Variants in METTL9 observed in about 807,000 individuals in gnomAD.
METTL9 encodes protein-L-histidine N-pros-methyltransferase.
In METTL9, 10 loss-of-function variants were observed where a neutral mutation model predicts 36.0. That is an observed-to-expected ratio of 0.28 (90% CI 0.17 to 0.47). METTL9 has a LOEUF of 0.47. METTL9 is among the 20% of genes least tolerant of loss of function. The pLI, the probability that METTL9 is intolerant of heterozygous loss-of-function variation, is 0.99. For synonymous variants in METTL9, 175 were observed against 149.7 expected, an observed-to-expected ratio of 1.17 and a Z score of -1.23; for missense variants, 246 against 383.5, an observed-to-expected ratio of 0.64 and a Z score of 3.00.
chr16:21,615,375 T>C (rs1965528863), intron 2 of METTL9, among the ~76,000 whole-genome samples: 2 of 152,152 alleles, frequency 1.3e-5, no homozygotes, highest in South Asian at 2.1e-4. Flanking sequence ...GACTAGAGGC[T>C]CATGCCACCG....
intron 4 of METTL9, among the ~76,000 whole-genome samples, chr16:21,632,881 C>T (rs1965999008): frequency 6.6e-6 from 1 of 152,140 alleles, no homozygotes; most frequent in Non-Finnish European, 1.5e-5. Context: ...CAAGAGCTAT[C>T]CCTGCTCTCT....
At chr16:21,608,542 C>T (rs1345035207) in intron 1 of METTL9, among the ~76,000 whole-genome samples, 1 of 152,154 alleles carries the variant, frequency 6.6e-6, no homozygotes, top group Non-Finnish European at 1.5e-5. Context: ...ACTGGAGAGT[C>T]AGTACAGTGA....
At chr16:21,601,877 A>G (rs1965140423) in intron 1 of METTL9, among the ~76,000 whole-genome samples, 2 of 152,136 alleles carry the variant, frequency 1.3e-5, no homozygotes, top group Admixed American at 1.3e-4. Context: ...GAATCCAGAC[A>G]TTATTTTGAC....
At chr16:21,652,511 G>A in intron 4 of METTL9, 2 of 1,585,352 alleles carry the variant, frequency 1.3e-6, no homozygotes, top group South Asian at 1.1e-5. Context: ...AAATGAAGGA[G>A]GAGAAGAAAA....
Position 21,625,049 on chromosome 16 carries a change from T to C in METTL9, c.685T>C (p.Leu229=), listed in dbSNP as rs1347909558. ...TTTGTTAAAAGATATCAGAAGTGTCTTGGAGCCAACTAGAGGCAGGGTCAT... is the reference window on the plus strand; with the variant it reads ...TTTGTTAAAAGATATCAGAAGTGTCCTGGAGCCAACTAGAGGCAGGGTCAT... The part of the protein sequence containing the change: ...LTLLKDIRSV[L]EPTRGRVILA... Residue 229 remains leucine, a synonymous_variant, in exon 4 of 5, where the codon TTG becomes CTG. Transcript: ENST00000358154. 2 of 1,614,208 alleles carry C rather than the reference T, an allele frequency of 1.2e-6. No homozygotes were observed. The highest frequency in any genetic ancestry group is 2.2e-5 in the East Asian group (1 of 44,886).
intron 4 of METTL9, among the ~76,000 whole-genome samples, chr16:21,648,095 C>T (rs540329724): frequency 6.6e-6 from 1 of 152,274 alleles, no homozygotes; most frequent in African/African-American, 2.4e-5. Context: ...GGAAATGCAG[C>T]CCTGGCTTAG....
At chr16:21,629,059 C>T (rs1307600023) in intron 4 of METTL9, among the ~76,000 whole-genome samples, 1 of 151,740 alleles carries the variant, frequency 6.6e-6, no homozygotes, top group Non-Finnish European at 1.5e-5. Flanking sequence ...ACACCCGGCT[C>T]ATTTTTGTAT....
At chr16:21,642,887 AT>A (rs1024115372) in intron 4 of METTL9, among the ~76,000 whole-genome samples, 1 of 152,148 alleles carries the variant, frequency 6.6e-6, no homozygotes. Flanking sequence ...GCTATTTAAT[AT>A]TGTATCAGAT....
intron 1 of METTL9, among the ~76,000 whole-genome samples, chr16:21,608,391 T>C (rs774787899): frequency 3.9e-5 from 6 of 152,178 alleles, no homozygotes; most frequent in Non-Finnish European, 8.8e-5. Context: ...GCCAAGATCA[T>C]AGTCACATTA....
intron 3 of METTL9, among the ~76,000 whole-genome samples, chr16:21,620,760 C>G (rs2152895156): frequency 6.6e-6 from 1 of 152,178 alleles, no homozygotes. Context: ...AAAACATTTT[C>G]ACAAAAGTGG....
chr16:21,643,643 A>G (rs372921992), intron 4 of METTL9: 3 of 1,317,890 alleles, frequency 2.3e-6, no homozygotes, highest in Non-Finnish European at 3.2e-6. Context: ...TTATGTACTC[A>G]TAACAATGGT....
chr16:21,601,917 G>T (rs760261458), intron 1 of METTL9, among the ~76,000 whole-genome samples: 81 of 152,092 alleles, frequency 5.3e-4, no homozygotes, highest in South Asian at 2.3e-3. Flanking sequence ...GAAAATAATC[G>T]TGCATGAATA....
intron 2 of METTL9, among the ~76,000 whole-genome samples, chr16:21,616,625 CTAGGACCTTTAGAAATAA>C (rs1789906645): frequency 6.6e-6 from 1 of 152,120 alleles, no homozygotes; most frequent in African/African-American, 2.4e-5. Context: ...TGAGTGTTTT[CTAGGACCTTTAGAAATAA>C]TAGGACCCAG....
chr16:21,625,280 C>A, intron 4 of METTL9, 165 bp downstream of exon 4: 1 of 735,676 alleles, frequency 1.4e-6, no homozygotes, highest in South Asian at 1.7e-5. Flanking sequence ...TTAATGTTCA[C>A]CTTAAGGTGG....
intron 4 of METTL9, among the ~76,000 whole-genome samples, chr16:21,638,074 T>A (rs1966151251): frequency 6.6e-6 from 1 of 152,298 alleles, no homozygotes; most frequent in South Asian, 2.1e-4. Flanking sequence ...TCCTAGCATT[T>A]TGGGAGGCCA....
At chr16:21,617,725 T>C (rs1346438297) in intron 2 of METTL9, 140 bp from the exon 3 acceptor site, 2 of 713,090 alleles carry the variant, frequency 2.8e-6, no homozygotes, top group Non-Finnish European at 4.7e-6. Context: ...TGAGACCTTG[T>C]CTAAAAAAAA....
At chr16:21,643,408 T>C in intron 4 of METTL9, 1 of 636,990 alleles carries the variant, frequency 1.6e-6, no homozygotes, top group Non-Finnish European at 2.7e-6. Flanking sequence ...CAATAGGAAA[T>C]AGTGTCTGCA....
chr16:21,626,708 C>A (rs935999589), intron 4 of METTL9: 1 of 152,552 alleles, frequency 6.6e-6, no homozygotes, highest in Admixed American at 6.5e-5. Context: ...ATTCAGCAAC[C>A]TGATCTTACT....
Position 21,617,913 on chromosome 16 carries a change from G to A in METTL9, c.405G>A (p.Gln135=). 6.2e-7 allele frequency: 1 copy of A among 1,613,974 alleles called. No homozygotes were observed. Residue 135 remains glutamine (Q), a synonymous_variant, in exon 3 of 5, where the codon CAG becomes CAA. Coordinates refer to ENST00000358154, the MANE Select transcript of METTL9 (RefSeq NM_016025.5). ...TTGTGTTTTCACCAGATCAGTTTCA[G>A]AGACTGCTTAAAATTAATCCAGACT... The part of the protein sequence containing the change: ...SMFVFSPDQF[Q]RLLKINPDWK...
Sources: gnomAD v4.1 joint callset for allele counts (sites outside exome capture counted in the v4.1 genomes callset) on GRCh38, gnomAD v4.1.1 for gene constraint, MANE v1.5 for transcripts, NCBI Gene and HGNC (gene_info 2026-07-23, HGNC 2026-07-21) for gene names.